GBGT1: variants seen among roughly 807,000 people sequenced by gnomAD.
The protein encoded by GBGT1 is globoside alpha-1,3-N-acetylgalactosaminyltransferase 1.
In GBGT1, 18 loss-of-function variants were observed where a neutral mutation model predicts 20.9. The observed-to-expected ratio is 0.86, with a 90% CI of 0.60 to 1.28. The LOEUF is 1.28. Ranked by LOEUF, GBGT1 falls within the 50% of genes most tolerant of loss-of-function variation. GBGT1 has a pLI of 0.00. For missense variants in GBGT1, 432 were observed against 455.7 expected, an observed-to-expected ratio of 0.95 and a Z score of 0.47; for synonymous variants, 168 against 180.8, an observed-to-expected ratio of 0.93 and a Z score of 0.57.
intron 3 of GBGT1, chr9:133,160,383 A>T (rs540947978): frequency 3.3e-5 from 5 of 152,336 alleles, no homozygotes; most frequent in Admixed American, 3.3e-4. Flanking sequence ...TTTTGTTTTC[A>T]TAACCTCTGG....
chr9:133,155,072 G>A, intron 6 of GBGT1, 106 bp downstream of exon 6: 1 of 1,034,856 alleles, frequency 9.7e-7, no homozygotes, highest in South Asian at 1.5e-5. Flanking sequence ...CGAGCCTCCC[G>A]GGTGCCCAGC....
Position 133,155,263 on chromosome 9 carries a change from C to T in GBGT1, c.274G>A (p.Glu92Lys), listed in dbSNP as rs772401108. ...AGAAGCTCTGGGTTGAAGGTTCCCTCGGAGACGATGGGCGCCAACCAGGGT... is the reference window on the plus strand; with the variant it reads ...AGAAGCTCTGGGTTGAAGGTTCCCTTGGAGACGATGGGCGCCAACCAGGGT... ...LTPWLAPIVS[E>K]GTFNPELLQH... Residue 92 changes from glutamate (E) to lysine (K), a missense_variant, in exon 6 of 7, where the codon GAG (glutamate) becomes AAG (lysine). Physicochemically the swap from Glu to Lys is moderately conservative, Grantham distance 56. Coordinates refer to ENST00000372040, the MANE Select transcript of GBGT1 (RefSeq NM_021996.6). The T allele has an allele frequency of 9.9e-6, 16 of 1,613,964 alleles. No individual in the cohort carries two copies. The highest frequency in any genetic ancestry group is 2.2e-5 in the East Asian group (1 of 44,872).
rs1009073871 is a variant in GBGT1 at position 133,162,506 on chromosome 9, G to A, written c.-94C>T. The A allele has an allele frequency of 9.6e-7, 1 of 1,040,556 alleles. No homozygotes were observed. Among genetic ancestry groups the A allele is most frequent in the Non-Finnish European group, 1.5e-6 (1 of 681,938 alleles). 64.5% of individuals were successfully genotyped at this position (1,040,556 alleles called of 1,614,324 possible). ...CCCTCGCAGGGATGTCAGGCTCTGA[G>A]CCTGGTCTCTGAGGTCCCAGGAACA... On this transcript the variant is annotated 5_prime_UTR_variant, in exon 2 of 7. Transcript: ENST00000372040.
At chr9:133,155,582 G>A (rs947608576) in intron 5 of GBGT1, among the ~76,000 whole-genome samples, 5 of 152,200 alleles carry the variant, frequency 3.3e-5, no homozygotes, top group Admixed American at 1.3e-4. Context: ...GCAAGACCAC[G>A]TTGTTATGAA....
At chr9:133,161,684 G>T in intron 2 of GBGT1, 152 bp from the exon 3 acceptor site, 1 of 593,554 alleles carries the variant, frequency 1.7e-6, no homozygotes, top group Non-Finnish European at 3.0e-6. Flanking sequence ...TGACCTTGGA[G>T]GACAAAGCCT....
intron 3 of GBGT1, among the ~76,000 whole-genome samples, chr9:133,157,803 T>C (rs1832915392): frequency 6.6e-6 from 1 of 152,100 alleles, no homozygotes; most frequent in Non-Finnish European, 1.5e-5. Context: ...ATGGGGACAA[T>C]AAAACCATCC....
chr9:133,160,061 G>T, intron 3 of GBGT1: 1 of 186,522 alleles, frequency 5.4e-6, no homozygotes, highest in South Asian at 6.7e-5. Flanking sequence ...AGGCCGATGA[G>T]GGGGCGAAGC....
At position 133,156,136 on chromosome 9, in the gene GBGT1, AG is replaced by A. The variant is rs760182955; in HGVS notation, c.138-72del. On this transcript the variant is annotated intron_variant, in intron 3 of 6. Transcript: ENST00000372040. ...AGAGACACTCAGCACAGGAAGAAGG[AG>A]GAGTCAGAGGCCCCTGCGGGTGGGC... 1.3e-5 allele frequency: 21 copies of A among 1,559,772 alleles called. No homozygotes were observed. The East Asian group carries it at 2.3e-4, about 17-fold the overall frequency.
intron 1 of GBGT1, 102 bp from the exon 2 acceptor site, chr9:133,162,634 G>A: frequency 1.8e-6 from 1 of 564,084 alleles, no homozygotes; most frequent in Non-Finnish European, 3.2e-6. Flanking sequence ...CTCTTCTCTT[G>A]GGTTCAAGCG....
At chr9:133,160,733 G>A (rs183910097) in intron 3 of GBGT1, among the ~76,000 whole-genome samples, 5 of 152,258 alleles carry the variant, frequency 3.3e-5, no homozygotes, top group East Asian at 1.9e-4. Flanking sequence ...TGACCGGACC[G>A]ATGCAGTAGC....
intron 4 of GBGT1, 34 bp from the exon 5 acceptor site, chr9:133,155,970 C>G: frequency 6.2e-7 from 1 of 1,613,852 alleles, no homozygotes; most frequent in East Asian, 2.2e-5. Context: ...TGGAGGAGAG[C>G]CACCACCCTC....
chr9:133,163,309 T>G (rs1833112282), intron 1 of GBGT1: 1 of 152,208 alleles, frequency 6.6e-6, no homozygotes, highest in Non-Finnish European at 1.5e-5. Flanking sequence ...GGAACGCGCC[T>G]CAACTCGCTG....
At chr9:133,158,799 A>G (rs1832949012) in intron 3 of GBGT1, among the ~76,000 whole-genome samples, 2 of 152,152 alleles carry the variant, frequency 1.3e-5, no homozygotes, top group African/African-American at 2.4e-5. Context: ...TCATCATCCC[A>G]AAAGGAAGCT....
rs993941283 is a variant in GBGT1, at chr9:133,154,984, C to G, written c.359+194G>C. 6 of 582,206 alleles carry G rather than the reference C, an allele frequency of 1.0e-5. No individual in the cohort carries two copies. Among genetic ancestry groups the G allele is most frequent in the Non-Finnish European group, 1.5e-5 (5 of 326,392 alleles). The allele number at this position is 582,206 out of a possible 1,614,324, so 36.1% of individuals were successfully genotyped here. A position where few individuals can be genotyped will look rare whatever the true frequency, so the allele number is the denominator to read the frequency against. On this transcript the variant is annotated intron_variant, in intron 6 of 6. Coordinates refer to ENST00000372040, the MANE Select transcript of GBGT1 (RefSeq NM_021996.6). The surrounding 1 kb of genome is among the most constrained non-coding windows in gnomAD (Gnocchi z 4.2). ...CTCTGCATCCTGTCTATGCTAGAGC[C>G]AGATCCCCTACTCCAGGAAGCTCCC...
At chr9:133,161,128 A>G (rs754100077) in intron 3 of GBGT1, 12 of 402,338 alleles carry the variant, frequency 3.0e-5, no homozygotes, top group African/African-American at 4.1e-5. Flanking sequence ...AGCACTGAAC[A>G]CAACCCCTGC....
Position 133,153,246 on chromosome 9 carries a change from G to C in GBGT1, c.*331C>G, listed in dbSNP as rs945050038. On this transcript the variant is annotated 3_prime_UTR_variant, in exon 7 of 7. Coordinates refer to ENST00000372040, the MANE Select transcript of GBGT1 (RefSeq NM_021996.6). ...TATGCAATAAACGGGGGACTGGCGC[G>C]GCAGGGTTCAGGCACTCTGAGTCGG... The C allele has an allele frequency of 7.9e-6, 2 of 252,932 alleles. No individual in the cohort carries two copies. The highest frequency in any genetic ancestry group is 1.5e-5 in the Non-Finnish European group (2 of 133,184). The allele number at this position is 252,932 out of a possible 1,614,324, so 15.7% of individuals were successfully genotyped here.
intron 1 of GBGT1, chr9:133,163,207 C>G (rs1394904506): frequency 1.3e-5 from 2 of 152,302 alleles, no homozygotes; most frequent in Non-Finnish European, 2.9e-5. Flanking sequence ...GCAGGATGCG[C>G]GGGAAGGGGC....
Position 133,154,674 on chromosome 9 carries a change from A to C in GBGT1, c.360-413T>G. 1 of 177,668 alleles carries C rather than the reference A, an allele frequency of 5.6e-6. No homozygotes were observed. Among genetic ancestry groups the C allele is most frequent in the Non-Finnish European group, 1.2e-5 (1 of 84,672 alleles). The allele number at this position is 177,668 out of a possible 1,614,324, so 11.0% of individuals were successfully genotyped here. ...GCAAGTTGAGCTAGATGCTGGGGGC[A>C]TGGAGGGGGGTGTGGTTGACACAGC... On this transcript the variant is annotated intron_variant, in intron 6 of 6. Coordinates refer to ENST00000372040, the MANE Select transcript of GBGT1 (RefSeq NM_021996.6). This position sits in a 1 kb window ranked among gnomAD's most constrained non-coding sequence, Gnocchi z 4.2.
At position 133,162,436 on chromosome 9, in the gene GBGT1, G is replaced by A. The variant is rs1322674544; in HGVS notation, c.-24C>T. 1 of 1,587,188 alleles carries A rather than the reference G, an allele frequency of 6.3e-7. No individual in the cohort carries two copies. Among genetic ancestry groups the A allele is most frequent in the African/African-American group, 1.3e-5 (1 of 74,722 alleles). On this transcript the variant is annotated 5_prime_UTR_variant, in exon 2 of 7. Coordinates refer to ENST00000372040, the MANE Select transcript of GBGT1 (RefSeq NM_021996.6). Reference sequence around the variant, plus strand: ...ATTGCTGGGGGCTGCACCTGAGCCTGGGCACTTGTAGAGACCCCCACTGGC... The same window carrying A: ...ATTGCTGGGGGCTGCACCTGAGCCTAGGCACTTGTAGAGACCCCCACTGGC...
Sources: gnomAD v4.1 joint callset for allele counts (sites outside exome capture counted in the v4.1 genomes callset) on GRCh38, gnomAD v4.1.1 for gene constraint, Gnocchi (gnomAD v3.1) non-coding constraint, MANE v1.5 for transcripts, NCBI Gene and HGNC (gene_info 2026-07-23, HGNC 2026-07-21) for gene names.